Variants in GSE1 observed in about 807,000 individuals in gnomAD.
The protein encoded by GSE1 is genetic suppressor element 1.
A neutral mutation model predicts 112.6 loss-of-function variants in GSE1; 32 were observed. The observed-to-expected ratio is 0.28, with a 90% CI of 0.21 to 0.38. GSE1 has a LOEUF of 0.38. Among genes scored for constraint, GSE1 ranks in the 10% least tolerant of loss-of-function variants. The pLI, the probability that GSE1 is intolerant of heterozygous loss-of-function variation, is 1.00. For missense variants in GSE1, 2,348 were observed against 1,699.2 expected (o/e 1.38, Z -6.71); for synonymous variants, 1,115 against 735.6 (o/e 1.52, Z -8.35).
intron 2 of GSE1, among the ~76,000 whole-genome samples, chr16:85,365,892 C>T (rs2047175569): frequency 6.6e-6 from 1 of 152,148 alleles, no homozygotes; most frequent in Non-Finnish European, 1.5e-5. Context: ...TGTGGCAGAT[C>T]GCCTCCCTGT....
rs2044484693 is a variant in GSE1 at position 85,540,604 on chromosome 16, T to A, written c.2465-93310T>A. On this transcript the variant is annotated intron_variant, in intron 2 of 2. Coordinates refer to the GSE1 transcript ENST00000637419. ...CATTCCTTTTGGCATGGTGATCCCT[T>A]CTAGTCTTGACAGCTCTTTGGTGCT... 3.3e-5 allele frequency among the ~76,000 whole-genome samples: 5 copies of A among 152,196 alleles called. No homozygotes were observed. In the South Asian group the frequency reaches 1.0e-3, roughly 32 times the overall value.
At chr16:85,464,134 C>T (rs1034145003) in intron 2 of GSE1, among the ~76,000 whole-genome samples, 1 of 152,334 alleles carries the variant, frequency 6.6e-6, no homozygotes, top group East Asian at 1.9e-4. Context: ...CCGCCCACCC[C>T]TCCTCTCTCT....
intron 1 of GSE1, among the ~76,000 whole-genome samples, chr16:85,295,893 C>G (rs1344883119): frequency 6.6e-6 from 1 of 152,014 alleles, no homozygotes. Flanking sequence ...GTGTGAGCCA[C>G]CGCACCCAGC....
intron 2 of GSE1, among the ~76,000 whole-genome samples, chr16:85,452,658 T>C (rs1042367594): frequency 1.3e-5 from 2 of 152,254 alleles, no homozygotes; most frequent in African/African-American, 4.8e-5. Context: ...GGGAGGCCTG[T>C]GGTCTTCTCC....
chr16:85,613,077 G>A, upstream of GSE1: 1 of 593,862 alleles, frequency 1.7e-6, no homozygotes. Context: ...TGCCTGGGCG[G>A]GTGGATCCGG....
At chr16:85,562,696 A>G (rs960197030) in intron 1 of GSE1, among the ~76,000 whole-genome samples, 2 of 152,174 alleles carry the variant, frequency 1.3e-5, no homozygotes, top group African/African-American at 4.8e-5. Context: ...TCGCTTGCCC[A>G]TCTTCCTCCT....
intron 2 of GSE1, among the ~76,000 whole-genome samples, chr16:85,448,195 T>G (rs1223770123): frequency 1.3e-5 from 2 of 152,184 alleles, no homozygotes; most frequent in Admixed American, 6.5e-5. Flanking sequence ...ACGGAGAGTC[T>G]CAGCCTCGCT....
intron 1 of GSE1, among the ~76,000 whole-genome samples, chr16:85,234,124 AGAACCCACCTAGT>A (rs1904355737): frequency 6.6e-6 from 1 of 152,192 alleles, no homozygotes; most frequent in Non-Finnish European, 1.5e-5. Flanking sequence ...TGGGCTTTGA[AGAACCCACCTAGT>A]GCTGCAAGGG....
intron 1 of GSE1, among the ~76,000 whole-genome samples, chr16:85,345,134 GC>G (rs2046708139): frequency 6.6e-6 from 1 of 151,646 alleles, no homozygotes; most frequent in African/African-American, 2.4e-5. Flanking sequence ...GGGCCTGCGG[GC>G]CAAGTCCAGC....
chr16:85,508,101 C>T (rs955557008), intron 2 of GSE1, among the ~76,000 whole-genome samples: 1 of 152,174 alleles, frequency 6.6e-6, no homozygotes, highest in Non-Finnish European at 1.5e-5. Flanking sequence ...GTGACTCGAT[C>T]TCGGCTCACT....
chr16:85,411,085 C>T (rs1283861806), intron 2 of GSE1, among the ~76,000 whole-genome samples: 1 of 119,356 alleles, frequency 8.4e-6, no homozygotes, highest in Non-Finnish European at 1.6e-5. Context: ...CAGGGTCCCC[C>T]GGATAATCCT....
intron 1 of GSE1, among the ~76,000 whole-genome samples, chr16:85,355,920 G>T (rs1338291765): frequency 6.6e-6 from 1 of 152,072 alleles, no homozygotes; most frequent in Admixed American, 6.6e-5. Context: ...CCAGCTACTC[G>T]GGAGGCTGAG....
chr16:85,650,727 G>A (rs976393377), intron 3 of GSE1, among the ~76,000 whole-genome samples: 25 of 152,150 alleles, frequency 1.6e-4, no homozygotes, highest in Admixed American at 3.9e-4. Context: ...ACGGCTCCTC[G>A]CTCGGGCACA....
chr16:85,528,568 C>T (rs755835885), intron 2 of GSE1, among the ~76,000 whole-genome samples: 3 of 152,022 alleles, frequency 2.0e-5, no homozygotes, highest in Non-Finnish European at 4.4e-5. Flanking sequence ...AAGCGATCCT[C>T]CTGCCCCAGC....
chr16:85,503,318 G>C (rs895597546), intron 2 of GSE1, among the ~76,000 whole-genome samples: 2 of 152,216 alleles, frequency 1.3e-5, no homozygotes, highest in Non-Finnish European at 2.9e-5. Flanking sequence ...GCCCCCAGGA[G>C]GGAAGGGTGT....
chr16:85,528,698 G>C (rs1192815431), intron 2 of GSE1, among the ~76,000 whole-genome samples: 2 of 151,954 alleles, frequency 1.3e-5, no homozygotes, highest in Admixed American at 1.3e-4. Context: ...GGGGTGGTCA[G>C]GAAGGGCCTT....
chr16:85,303,317 C>G (rs1288991089), intron 1 of GSE1, among the ~76,000 whole-genome samples: 1 of 152,220 alleles, frequency 6.6e-6, no homozygotes, highest in Non-Finnish European at 1.5e-5. Context: ...GAGGTCAGGG[C>G]ACACCCTGGA....
chr16:85,430,968 C>A (rs563988070), intron 2 of GSE1, among the ~76,000 whole-genome samples: 2 of 152,302 alleles, frequency 1.3e-5, no homozygotes, highest in Middle Eastern at 3.4e-3. Flanking sequence ...CTTTGAGAGC[C>A]GCTGATACAG....
At chr16:85,600,084 C>G (rs907257722) in intron 1 of GSE1, among the ~76,000 whole-genome samples, 1 of 152,246 alleles carries the variant, frequency 6.6e-6, no homozygotes, top group Non-Finnish European at 1.5e-5. Context: ...CGGGTATTCT[C>G]TATGCATTGC....
Sources: gnomAD v4.1 joint callset for allele counts (sites outside exome capture counted in the v4.1 genomes callset) on GRCh38, gnomAD v4.1.1 for gene constraint, MANE v1.5 for transcripts, NCBI Gene and HGNC (gene_info 2026-07-23, HGNC 2026-07-21) for gene names.